Variants in SYNPR observed in about 807,000 individuals in gnomAD.
SYNPR encodes the protein synaptoporin.
A neutral mutation model predicts 32.9 loss-of-function variants in SYNPR; 23 were observed. The observed-to-expected ratio is 0.70, with a 90% CI of 0.50 to 0.99. The LOEUF is 0.99. Among genes scored for constraint, SYNPR ranks in the 50% least tolerant of loss-of-function variants. SYNPR has a pLI of 0.00. For synonymous variants in SYNPR, 146 were observed against 135.9 expected (o/e 1.07, Z -0.52); for missense variants, 318 against 349.3 (o/e 0.91, Z 0.71).
chr3:63,237,081 G>A (rs6445328), intron 1 of SYNPR, among the ~76,000 whole-genome samples: 119,958 of 151,982 alleles, frequency 0.79, 47,947 homozygotes, highest in Middle Eastern at 0.87. Flanking sequence ...AGGTTTTTGG[G>A]GTTTATTATA....
At chr3:63,259,662 A>G (rs2086420500) in intron 2 of SYNPR, among the ~76,000 whole-genome samples, 1 of 152,208 alleles carries the variant, frequency 6.6e-6, no homozygotes, top group Non-Finnish European at 1.5e-5. Flanking sequence ...GAAAACTGGT[A>G]CAAGACAGGG....
chr3:63,268,003 T>A (rs2086504846), intron 3 of SYNPR, among the ~76,000 whole-genome samples: 1 of 152,198 alleles, frequency 6.6e-6, no homozygotes, highest in Admixed American at 6.5e-5. Flanking sequence ...CAGACATGGT[T>A]TCACAAATTC....
chr3:63,509,271 GT>G (rs1701647623), intron 3 of SYNPR, among the ~76,000 whole-genome samples: 2 of 82,392 alleles, frequency 2.4e-5, no homozygotes, highest in African/African-American at 8.5e-5. Context: ...AAGGCTGAAA[GT>G]TATATATATG....
intron 2 of SYNPR, among the ~76,000 whole-genome samples, chr3:63,343,676 G>A (rs955878430): frequency 1.3e-5 from 2 of 152,120 alleles, no homozygotes; most frequent in Non-Finnish European, 2.9e-5. Context: ...GCTTTTCTTC[G>A]ACAGTATAAA....
intron 2 of SYNPR, among the ~76,000 whole-genome samples, chr3:63,459,522 A>G (rs1383108820): frequency 6.6e-6 from 1 of 152,190 alleles, no homozygotes; most frequent in Admixed American, 6.6e-5. Flanking sequence ...CTCCTGCAGC[A>G]AAGTTTGGCC....
At chr3:63,489,320 T>G (rs545507687) in intron 3 of SYNPR, among the ~76,000 whole-genome samples, 74 of 152,270 alleles carry the variant, frequency 4.9e-4, no homozygotes, top group African/African-American at 1.6e-3. Context: ...AAGCTGCTCC[T>G]GGGGGTGTTA....
At chr3:63,585,449 G>GCCCC (rs141942203) in intron 4 of SYNPR, among the ~76,000 whole-genome samples, 1 of 109,498 alleles carries the variant, frequency 9.1e-6, no homozygotes, top group South Asian at 3.1e-4. Context: ...GTATATCCAT[G>GCCCC]CCCCCCCCCT....
At chr3:63,592,133 A>G (rs919214905) in intron 4 of SYNPR, among the ~76,000 whole-genome samples, 1 of 152,062 alleles carries the variant, frequency 6.6e-6, no homozygotes, top group African/African-American at 2.4e-5. Flanking sequence ...ACCAGCAGAG[A>G]CTGGAGCGGT....
At chr3:63,204,049 G>A in the SYNPR span, among the ~76,000 whole-genome samples, 1 of 152,074 alleles carries the variant, frequency 6.6e-6, no homozygotes, top group Non-Finnish European at 1.5e-5. Context: ...GCTCTTAAGA[G>A]AATCACCTTT....
At chr3:63,261,085 T>C (rs1025360552) in intron 2 of SYNPR, among the ~76,000 whole-genome samples, 5 of 152,074 alleles carry the variant, frequency 3.3e-5, no homozygotes, top group Non-Finnish European at 7.4e-5. Flanking sequence ...GGAGAGGATG[T>C]GGAGAAATAG....
chr3:63,472,124 C>T (rs948812845), intron 2 of SYNPR, among the ~76,000 whole-genome samples: 3 of 152,166 alleles, frequency 2.0e-5, no homozygotes, highest in African/African-American at 7.2e-5. Context: ...TTCATGTAGC[C>T]CTCATCTGAC....
chr3:63,573,212 T>C (rs1191126261), intron 4 of SYNPR, among the ~76,000 whole-genome samples: 3 of 152,166 alleles, frequency 2.0e-5, no homozygotes, highest in Non-Finnish European at 4.4e-5. Context: ...GAAGATTTAG[T>C]AATCTAAAAC....
At chr3:63,560,384 C>A (rs1382027997) in intron 4 of SYNPR, among the ~76,000 whole-genome samples, 2 of 152,154 alleles carry the variant, frequency 1.3e-5, no homozygotes, top group African/African-American at 4.8e-5. Flanking sequence ...GTAAGGGGTG[C>A]TATGACACCA....
intron 2 of SYNPR, among the ~76,000 whole-genome samples, chr3:63,402,713 A>G (rs2088308641): frequency 6.6e-6 from 1 of 152,220 alleles, no homozygotes; most frequent in African/African-American, 2.4e-5. Flanking sequence ...CCTTTGCTTT[A>G]GCTGTTCCCT....
the SYNPR span, among the ~76,000 whole-genome samples, chr3:63,219,597 C>T: frequency 5.9e-5 from 9 of 152,030 alleles, no homozygotes; most frequent in Non-Finnish European, 1.2e-4. Flanking sequence ...AGATGTCTTA[C>T]CAATAACATA....
At chr3:63,431,772 A>G (rs1700000761) in intron 2 of SYNPR, among the ~76,000 whole-genome samples, 1 of 152,078 alleles carries the variant, frequency 6.6e-6, no homozygotes, top group Non-Finnish European at 1.5e-5. Context: ...TGAGAAGTAC[A>G]GCCAGAACCA....
intron 2 of SYNPR, among the ~76,000 whole-genome samples, chr3:63,374,526 C>A (rs74407222): frequency 0.014 from 2,099 of 152,156 alleles, 41 homozygotes; most frequent in African/African-American, 0.047. Flanking sequence ...GTACACCAAG[C>A]CCCTGTGACA....
chr3:63,219,999 G>A, the SYNPR span, among the ~76,000 whole-genome samples: 1 of 152,190 alleles, frequency 6.6e-6, no homozygotes, highest in African/African-American at 2.4e-5. Context: ...TTTCTGCTTT[G>A]TGTCAATGTG....
intron 2 of SYNPR, among the ~76,000 whole-genome samples, chr3:63,347,081 T>G (rs116299100): frequency 0.011 from 1,662 of 152,282 alleles, 27 homozygotes; most frequent in South Asian, 0.028. Context: ...TGAGAAAAAT[T>G]AACTGAGATA....
Sources: allele counts gnomAD v4.1 joint callset (sites outside exome capture counted in the v4.1 genomes callset), GRCh38; gene constraint gnomAD v4.1.1; transcripts MANE v1.5; gene names NCBI Gene and HGNC (gene_info 2026-07-23, HGNC 2026-07-21).